Variants in MYO16 observed in about 807,000 individuals in gnomAD.
MYO16 encodes unconventional myosin-XVI.
Under a neutral mutation model 205.3 loss-of-function variants are expected in MYO16, and 94 were observed. That is an observed-to-expected ratio of 0.46 (90% confidence interval 0.39 to 0.54). The LOEUF is 0.54. Among genes scored for constraint, MYO16 ranks in the 20% least tolerant of loss-of-function variants. MYO16 has a pLI of 0.00. For missense variants in MYO16, 2,315 were observed against 2,387.5 expected (o/e 0.97, Z 0.63); for synonymous variants, 988 against 954.0 (o/e 1.04, Z -0.66).
chr13:108,627,128 G>T (rs926887339), upstream of MYO16, among the ~76,000 whole-genome samples: 2 of 151,396 alleles, frequency 1.3e-5, no homozygotes, highest in Admixed American at 1.3e-4. Context: ...TAAAGTTAAT[G>T]GAACCAAAAT....
In MYO16 at chr13:109,127,016, C is replaced by A. The variant is rs1400704200; in HGVS notation, c.3783-266C>A. ...ATGCGAAGGCCCTTAAGTAGTGTTG[C>A]GTTTGTGTGAGAATGTTTAAAAAGT... On this transcript the variant is annotated intron_variant, in intron 30 of 34. Transcript: ENST00000457511. The surrounding 1 kb of genome is among the most constrained non-coding windows in gnomAD (Gnocchi z 4.2). Among the ~76,000 whole-genome samples, 2 of 152,126 alleles carry A rather than the reference C, an allele frequency of 1.3e-5. No homozygotes were observed. The highest frequency in any genetic ancestry group is 4.8e-5 in the African/African-American group (2 of 41,418).
chr13:108,857,033 T>A (rs1878216360), intron 11 of MYO16, among the ~76,000 whole-genome samples: 1 of 152,216 alleles, frequency 6.6e-6, no homozygotes, highest in Non-Finnish European at 1.5e-5. Flanking sequence ...TCTTCCTCAC[T>A]TATATCTAAA....
At chr13:108,533,557 G>T in the MYO16 span, among the ~76,000 whole-genome samples, 15 of 152,194 alleles carry the variant, frequency 9.9e-5, no homozygotes, top group Non-Finnish European at 2.2e-4. Context: ...GATTGGCAGT[G>T]CTCTTTGTGT....
At chr13:108,822,900 T>G (rs1026530221) in intron 8 of MYO16, among the ~76,000 whole-genome samples, 2 of 152,208 alleles carry the variant, frequency 1.3e-5, no homozygotes, top group African/African-American at 4.8e-5. Flanking sequence ...TACTATTTTC[T>G]ATTTCATTTA....
chr13:109,112,155 T>A (rs1889307638), intron 28 of MYO16, among the ~76,000 whole-genome samples: 2 of 152,140 alleles, frequency 1.3e-5, no homozygotes. Context: ...GCTAAAATAA[T>A]AGTAAATAGC....
chr13:109,169,806 T>C (rs1878854091), intron 33 of MYO16, among the ~76,000 whole-genome samples: 1 of 152,246 alleles, frequency 6.6e-6, no homozygotes, highest in African/African-American at 2.4e-5. Flanking sequence ...CAATGTCACG[T>C]ACACGCTTTC....
intron 1 of MYO16, among the ~76,000 whole-genome samples, chr13:108,609,817 A>T (rs1879105579): frequency 6.6e-6 from 1 of 152,158 alleles, no homozygotes; most frequent in African/African-American, 2.4e-5. Context: ...GTAGATAGAC[A>T]TTCTAAAACG....
chr13:108,839,222 C>T (rs1877104687), intron 9 of MYO16, among the ~76,000 whole-genome samples: 1 of 151,966 alleles, frequency 6.6e-6, no homozygotes, highest in Admixed American at 6.6e-5. Flanking sequence ...TCCCATTAAT[C>T]CATTAACCCA....
intron 14 of MYO16, among the ~76,000 whole-genome samples, chr13:108,897,023 T>TA (rs1165698998): frequency 6.6e-6 from 1 of 151,384 alleles, no homozygotes; most frequent in African/African-American, 2.4e-5. Flanking sequence ...GTAAATTTTT[T>TA]AAAAAAAGTG....
rs191308711 is a variant in MYO16, at chr13:108,836,221, G to A, written c.1098-8122G>A. Among the ~76,000 whole-genome samples the A allele has an allele frequency of 1.8e-4, 28 of 152,346 alleles. 2 individuals carry two copies. The East Asian group carries it at 5.0e-3, about 27-fold the overall frequency. On this transcript the variant is annotated intron_variant, in intron 9 of 34. Coordinates refer to ENST00000457511, the MANE Select transcript of MYO16 (RefSeq NM_001198950.3). ...TCAAAGGGGCCAAAGTATAGCTTGG[G>A]CCTTGCTTCGGAGGGTGCAAGCCCC... is the stretch of plus-strand genomic sequence containing the variant.
At chr13:108,565,663 G>A in the MYO16 span, among the ~76,000 whole-genome samples, 3 of 151,916 alleles carry the variant, frequency 2.0e-5, no homozygotes, top group East Asian at 3.9e-4. Context: ...ATTTTGATAC[G>A]CTTTATATCT....
chr13:109,020,691 A>T (rs78552674), intron 23 of MYO16, among the ~76,000 whole-genome samples: 3 of 152,120 alleles, frequency 2.0e-5, no homozygotes, highest in Admixed American at 6.5e-5. Flanking sequence ...GCTGTAGTTA[A>T]TGTCTTCCAC....
At chr13:108,759,303 A>G (rs1885520043) in intron 4 of MYO16, among the ~76,000 whole-genome samples, 1 of 152,212 alleles carries the variant, frequency 6.6e-6, no homozygotes, top group Non-Finnish European at 1.5e-5. Flanking sequence ...TAGATACGAG[A>G]GGAATTGCTG....
intron 32 of MYO16, among the ~76,000 whole-genome samples, chr13:109,145,935 A>G (rs1435671534): frequency 2.0e-5 from 3 of 152,242 alleles, no homozygotes; most frequent in Non-Finnish European, 2.9e-5. Flanking sequence ...AACGAAAATC[A>G]GACTCAAAAT....
intron 6 of MYO16, among the ~76,000 whole-genome samples, chr13:108,795,131 A>T (rs985330938): frequency 6.6e-6 from 1 of 151,872 alleles, no homozygotes; most frequent in Non-Finnish European, 1.5e-5. Context: ...GGAAGATAAA[A>T]TTTAGAAAAG....
At chr13:108,711,265 A>G (rs547135951) in intron 2 of MYO16, among the ~76,000 whole-genome samples, 1 of 152,380 alleles carries the variant, frequency 6.6e-6, no homozygotes, top group Admixed American at 6.5e-5. Flanking sequence ...GTTACAGCTG[A>G]TACTACAAGT....
chr13:108,775,862 G>A (rs1381457124), intron 4 of MYO16, among the ~76,000 whole-genome samples: 1 of 152,202 alleles, frequency 6.6e-6, no homozygotes, highest in Non-Finnish European at 1.5e-5. Context: ...GTGCGAGGGT[G>A]AGACATTAAT....
chr13:108,625,994 A>C (rs1343241845), upstream of MYO16, among the ~76,000 whole-genome samples: 1 of 152,176 alleles, frequency 6.6e-6, no homozygotes, highest in East Asian at 1.9e-4. Flanking sequence ...GCCTTTTTGG[A>C]GCTGTGTCTC....
intron 16 of MYO16, 61 bp from the exon 17 acceptor site, chr13:108,957,627 T>C (rs1257076146): frequency 8.3e-7 from 1 of 1,197,748 alleles, no homozygotes; most frequent in East Asian, 2.4e-5. Flanking sequence ...GAAGTGACTT[T>C]TAACCACAGA....
Sources: allele counts gnomAD v4.1 joint callset (sites outside exome capture counted in the v4.1 genomes callset), GRCh38; gene constraint gnomAD v4.1.1; non-coding constraint Gnocchi (gnomAD v3.1); transcripts MANE v1.5; gene names NCBI Gene and HGNC (gene_info 2026-07-23, HGNC 2026-07-21).